EMC3: variants seen among roughly 807,000 people sequenced by gnomAD.
The protein encoded by EMC3 is ER membrane protein complex subunit 3.
A neutral mutation model predicts 36.6 loss-of-function variants in EMC3; 13 were observed. The ratio of observed to expected loss-of-function variants is 0.35; its 90% CI spans 0.23 to 0.56. The LOEUF is 0.56. Ranked by LOEUF, EMC3 falls within the 20% of genes least tolerant of loss-of-function variation. The pLI is 0.84. For missense variants in EMC3, 220 were observed against 324.5 expected (o/e 0.68, Z 2.47); for synonymous variants, 120 against 111.9 (o/e 1.07, Z -0.46).
upstream of EMC3, among the ~76,000 whole-genome samples, chr3:9,989,238 G>T (rs753814925): frequency 6.6e-6 from 1 of 152,166 alleles, no homozygotes; most frequent in African/African-American, 2.4e-5. Context: ...ATTAATTCTA[G>T]AAATACCTTC....
intron 7 of EMC3, among the ~76,000 whole-genome samples, chr3:9,966,857 A>C (rs1448777673): frequency 3.9e-5 from 6 of 152,226 alleles, no homozygotes; most frequent in Non-Finnish European, 7.3e-5. Flanking sequence ...TTAAGGTGTA[A>C]GCCACTGCGC....
intron 1 of EMC3, among the ~76,000 whole-genome samples, chr3:9,985,566 T>C (rs147416754): frequency 2.6e-5 from 4 of 152,312 alleles, no homozygotes; most frequent in Admixed American, 2.6e-4. Context: ...GATAACCACC[T>C]ATAATCATCT....
upstream of EMC3, among the ~76,000 whole-genome samples, chr3:9,990,298 G>C (rs1373924338): frequency 1.3e-5 from 2 of 148,166 alleles, no homozygotes; most frequent in Non-Finnish European, 3.0e-5. Context: ...GGGATTACAG[G>C]TGTGAGCCAC....
intron 1 of EMC3, chr3:9,994,462 G>A: frequency 4.2e-6 from 2 of 479,468 alleles, no homozygotes; most frequent in Non-Finnish European, 7.5e-6. Flanking sequence ...TTTACTCCCA[G>A]CCTTGATGAA....
chr3:9,996,330 A>G (rs2086123816), intron 1 of EMC3, among the ~76,000 whole-genome samples: 1 of 152,086 alleles, frequency 6.6e-6, no homozygotes, highest in Admixed American at 6.6e-5. Context: ...CTGTAATCCT[A>G]GCTACTCAGG....
intron 5 of EMC3, among the ~76,000 whole-genome samples, chr3:9,972,073 T>C (rs2085791538): frequency 6.6e-6 from 1 of 152,200 alleles, no homozygotes; most frequent in Admixed American, 6.5e-5. Context: ...TAAAGAGTGG[T>C]AAGTAACACA....
At chr3:9,984,892 T>TG (rs2085953499) in intron 1 of EMC3, among the ~76,000 whole-genome samples, 1 of 152,250 alleles carries the variant, frequency 6.6e-6, no homozygotes, top group Admixed American at 6.5e-5. Context: ...ACGGGTGGGA[T>TG]GGAACTTGTT....
intron 1 of EMC3, among the ~76,000 whole-genome samples, chr3:9,994,570 A>G (rs562436863): frequency 3.3e-4 from 50 of 151,972 alleles, no homozygotes; most frequent in Admixed American, 1.1e-3. Context: ...TCAAAACATG[A>G]GACACTTTTT....
intron 7 of EMC3, 40 bp downstream of exon 7, chr3:9,969,679 T>G (rs1445057852): frequency 1.2e-6 from 2 of 1,613,982 alleles, no homozygotes; most frequent in Non-Finnish European, 1.7e-6. Context: ...GTAACACCTT[T>G]CAGAGCATTG....
chr3:9,963,477 A>ATATATATATATATTTTTT lies in EMC3; in HGVS notation c.*591_*592insAAAAAATATATATATATA, dbSNP rs61596273. 1.1e-5 allele frequency: 1 copy of ATATATATATATATTTTTT among 88,926 alleles called. No individual in the cohort carries two copies. Among genetic ancestry groups the ATATATATATATATTTTTT allele is most frequent in the Non-Finnish European group, 2.2e-5 (1 of 46,270 alleles). 5.5% of individuals were successfully genotyped at this position (88,926 alleles called of 1,614,324 possible). On this transcript the variant is annotated 3_prime_UTR_variant, in exon 8 of 8. Coordinates refer to ENST00000245046, the MANE Select transcript of EMC3 (RefSeq NM_001394674.1). Reference sequence around the variant, plus strand: ...TAGATATATATATATATATATATATATTTTTTTTTTTTTTTCAGATGGAGT... The same window carrying ATATATATATATATTTTTT: ...TAGATATATATATATATATATATATATATATATATATATTTTTTTTTTTTTTTTTTTTTCAGATGGAGT...
intron 1 of EMC3, among the ~76,000 whole-genome samples, chr3:9,983,271 C>T (rs1478936108): frequency 6.6e-6 from 1 of 151,928 alleles, no homozygotes; most frequent in Non-Finnish European, 1.5e-5. Context: ...CCTCAGGCTC[C>T]CTAGTAGCTG....
chr3:9,970,807 G>A (rs2085777554), intron 5 of EMC3, 146 bp from the exon 6 acceptor site: 1 of 704,386 alleles, frequency 1.4e-6, no homozygotes, highest in Non-Finnish European at 2.4e-6. Flanking sequence ...AACCACAGAA[G>A]AAATACAAGT....
chr3:10,002,301 T>TA lies in EMC3; in HGVS notation c.-242+8721dup, dbSNP rs1407213475. Among the ~76,000 whole-genome samples the TA allele has an allele frequency of 7.7e-4, 117 of 151,332 alleles. 1 individual carries two copies. The South Asian group carries it at 0.011, about 14-fold the overall frequency. ...TTTTTTATTTTATTTTATTTTATTT[T>TA]ATTTTGAGATAGTGTCTGGCTCTCT... On this transcript the variant is annotated intron_variant, in intron 1 of 8. Coordinates refer to the EMC3 transcript ENST00000470827.
chr3:9,986,764 T>C lies in EMC3; in HGVS notation c.-103A>G. The C allele has an allele frequency of 6.5e-7, 1 of 1,546,284 alleles. No individual in the cohort carries two copies. Among genetic ancestry groups the C allele is most frequent in the East Asian group, 2.3e-5 (1 of 44,242 alleles). ...GCCTCCGGGCCTTCTCAAGCCCCTT[T>C]GCCCGTGTACCCCAGAACTCTCCTG... On this transcript the variant is annotated 5_prime_UTR_variant, in exon 1 of 8. Transcript: ENST00000245046.
At chr3:9,982,414 C>T (rs1044030059) in intron 1 of EMC3, among the ~76,000 whole-genome samples, 5 of 151,906 alleles carry the variant, frequency 3.3e-5, no homozygotes, top group African/African-American at 7.3e-5. Context: ...CCACCATGCT[C>T]GGGTTATTTT....
At chr3:9,994,076 A>T in intron 1 of EMC3, 1 of 1,200,024 alleles carries the variant, frequency 8.3e-7, no homozygotes, top group Non-Finnish European at 1.2e-6. Flanking sequence ...TTAAGTTAAA[A>T]TGAGAGTTGG....
upstream of EMC3, among the ~76,000 whole-genome samples, chr3:9,990,773 A>G (rs570953176): frequency 1.3e-5 from 2 of 151,708 alleles, no homozygotes; most frequent in African/African-American, 2.4e-5. Flanking sequence ...TCAGCCTCCC[A>G]AAGTGCTAGG....
intron 1 of EMC3, chr3:10,008,386 G>T (rs753404293): frequency 1.5e-6 from 2 of 1,366,942 alleles, no homozygotes; most frequent in African/African-American, 2.9e-5. Context: ...AACAGAGAAG[G>T]TCCTTTCAAG....
chr3:9,997,797 C>T (rs893542471), intron 1 of EMC3, among the ~76,000 whole-genome samples: 4 of 152,084 alleles, frequency 2.6e-5, no homozygotes, highest in African/African-American at 9.7e-5. Flanking sequence ...TTTATCCATT[C>T]ATCCATTGAT....
Sources: gnomAD v4.1 joint callset for allele counts (sites outside exome capture counted in the v4.1 genomes callset) on GRCh38, gnomAD v4.1.1 for gene constraint, MANE v1.5 for transcripts, NCBI Gene and HGNC (gene_info 2026-07-23, HGNC 2026-07-21) for gene names.